ELP4: variants seen among roughly 807,000 people sequenced by gnomAD.
ELP4 encodes the protein elongator complex protein 4.
Under a neutral mutation model 48.9 loss-of-function variants are expected in ELP4, and 51 were observed. That is an observed-to-expected ratio of 1.04 (90% CI 0.83 to 1.32). ELP4 has a LOEUF of 1.32. ELP4 is among the 40% of genes most tolerant of loss of function. The probability of loss-of-function intolerance (pLI) is 0.00; values close to 1 mark genes in which losing one functional copy is unlikely to be tolerated. For synonymous variants in ELP4, 210 were observed against 189.2 expected (o/e 1.11, Z -0.90); for missense variants, 519 against 514.6 (o/e 1.01, Z -0.08).
chr11:31,560,349 T>C (rs1190297157), intron 3 of ELP4, among the ~76,000 whole-genome samples: 2 of 152,122 alleles, frequency 1.3e-5, no homozygotes, highest in Non-Finnish European at 2.9e-5. Flanking sequence ...GTACTTATAT[T>C]TAGTAACATT....
intron 4 of ELP4, among the ~76,000 whole-genome samples, chr11:31,597,994 C>T (rs546467337): frequency 4.5e-4 from 48 of 107,172 alleles, no homozygotes; most frequent in African/African-American, 1.4e-3. Flanking sequence ...CTTGCTCTGT[C>T]ACCCAGGCTG....
chr11:31,662,549 C>T (rs772705249), intron 9 of ELP4: 86 of 397,552 alleles, frequency 2.2e-4, no homozygotes, highest in Admixed American at 3.5e-4. Context: ...TGAGATCTTA[C>T]GACCTGCGAA....
chr11:31,761,399 ACTATACC>A (rs948268690), intron 9 of ELP4, among the ~76,000 whole-genome samples: 4 of 152,104 alleles, frequency 2.6e-5, no homozygotes, highest in African/African-American at 9.7e-5. Context: ...TCATTTTTTA[ACTATACC>A]CAAGATTGAA....
intron 2 of ELP4, among the ~76,000 whole-genome samples, chr11:31,534,417 C>T (rs1244563562): frequency 6.6e-6 from 1 of 151,944 alleles, no homozygotes; most frequent in Non-Finnish European, 1.5e-5. Context: ...CATGTTGGAC[C>T]TGAAGCATCC....
intron 3 of ELP4, among the ~76,000 whole-genome samples, chr11:31,543,584 G>T (rs560307772): frequency 6.6e-6 from 1 of 152,166 alleles, no homozygotes; most frequent in Non-Finnish European, 1.5e-5. Context: ...CTCCCAACGT[G>T]CTGGGCAAAC....
intron 9 of ELP4, among the ~76,000 whole-genome samples, chr11:31,665,206 C>G (rs946905795): frequency 6.6e-6 from 1 of 152,186 alleles, no homozygotes; most frequent in South Asian, 2.1e-4. Flanking sequence ...GACAGTTTAC[C>G]TCTTCTTGAT....
chr11:31,744,337 T>A (rs1449300878), intron 9 of ELP4, among the ~76,000 whole-genome samples: 2 of 152,194 alleles, frequency 1.3e-5, no homozygotes, highest in Admixed American at 6.5e-5. Flanking sequence ...GTACTATTCC[T>A]TCTGAAACTA....
intron 9 of ELP4, among the ~76,000 whole-genome samples, chr11:31,708,402 C>G (rs528087309): frequency 6.6e-6 from 1 of 152,256 alleles, no homozygotes; most frequent in East Asian, 1.9e-4. Flanking sequence ...AAAGCCAACT[C>G]TCAGTTATCT....
intron 9 of ELP4, among the ~76,000 whole-genome samples, chr11:31,771,162 T>C (rs1269780998): frequency 6.6e-6 from 1 of 152,102 alleles, no homozygotes; most frequent in Non-Finnish European, 1.5e-5. Context: ...GAATCTTCTA[T>C]TGGGCAGGCA....
intron 9 of ELP4, among the ~76,000 whole-genome samples, chr11:31,681,576 G>T (rs1171355747): frequency 6.6e-6 from 1 of 152,100 alleles, no homozygotes; most frequent in Non-Finnish European, 1.5e-5. Context: ...GGAGAGAGAT[G>T]TTACATCTGT....
At chr11:31,511,008 T>C (rs1181464070) in intron 1 of ELP4, 3 of 152,240 alleles carry the variant, frequency 2.0e-5, no homozygotes, top group South Asian at 4.1e-4. Flanking sequence ...TTGACATTTC[T>C]TTCGGTTATT....
chr11:31,614,904 T>C (rs1958047554), intron 5 of ELP4, among the ~76,000 whole-genome samples: 1 of 152,150 alleles, frequency 6.6e-6, no homozygotes, highest in Non-Finnish European at 1.5e-5. Flanking sequence ...AAATGACAAC[T>C]GAATACAACA....
rs935038978 is a variant in ELP4, at chr11:31,709,519, C to G, written c.1143+59298C>G. ...TCTCGTAAAATATGATCCCTCTCCC[C>G]AAGAAAGAGTTTATCGTGGTAATTA... On this transcript the variant is annotated intron_variant, in intron 9 of 9. Transcript: ENST00000640961. Among the ~76,000 whole-genome samples, 27 of 152,220 alleles carry G rather than the reference C, an allele frequency of 1.8e-4. 1 individual carries two copies. The East Asian group carries it at 5.0e-3, about 28-fold the overall frequency.
In ELP4 at chr11:31,788,683, G is replaced by A. The variant is rs933698313; in HGVS notation, c.*5159G>A. 9.4e-6 allele frequency: 2 copies of A among 213,856 alleles called. No individual in the cohort carries two copies. Among genetic ancestry groups the A allele is most frequent in the African/African-American group, 2.3e-5 (1 of 44,238 alleles). The allele number at this position is 213,856 out of a possible 1,614,324, so 13.2% of individuals were successfully genotyped here. ...TAGACTTTGAGCTTTAGAATTAAATGGCTAACTGGGAAATGTTACCATTTT... is the reference window on the plus strand; with the variant it reads ...TAGACTTTGAGCTTTAGAATTAAATAGCTAACTGGGAAATGTTACCATTTT... On this transcript the variant is annotated 3_prime_UTR_variant, in exon 10 of 10. Transcript: ENST00000640961.
chr11:31,761,344 A>C (rs1399748319), intron 9 of ELP4, among the ~76,000 whole-genome samples: 1 of 152,112 alleles, frequency 6.6e-6, no homozygotes, highest in African/African-American at 2.4e-5. Flanking sequence ...TCTCAAAAAA[A>C]AAAAAAAGCC....
At chr11:31,721,465 T>C (rs1469185709) in intron 9 of ELP4, among the ~76,000 whole-genome samples, 1 of 152,194 alleles carries the variant, frequency 6.6e-6, no homozygotes, top group Non-Finnish European at 1.5e-5. Context: ...TTTTGGTTTG[T>C]TAGAATTTTT....
chr11:31,643,117 C>G (rs1017087020), intron 7 of ELP4, among the ~76,000 whole-genome samples: 1 of 151,716 alleles, frequency 6.6e-6, no homozygotes, highest in Non-Finnish European at 1.5e-5. Context: ...GTACTCCCCT[C>G]CCCGCTCTCT....
At chr11:31,557,304 C>A (rs1194616115) in intron 3 of ELP4, among the ~76,000 whole-genome samples, 2 of 151,752 alleles carry the variant, frequency 1.3e-5, no homozygotes, top group African/African-American at 4.8e-5. Flanking sequence ...ATTCATTGTA[C>A]CTTATATATT....
At chr11:31,643,405 T>G (rs982421826) in intron 7 of ELP4, among the ~76,000 whole-genome samples, 1 of 151,894 alleles carries the variant, frequency 6.6e-6, no homozygotes, top group Non-Finnish European at 1.5e-5. Flanking sequence ...GATAATTAAG[T>G]TATTGGTTAA....
Sources: gnomAD v4.1 joint callset for allele counts (sites outside exome capture counted in the v4.1 genomes callset) on GRCh38, gnomAD v4.1.1 for gene constraint, MANE v1.5 for transcripts, NCBI Gene and HGNC (gene_info 2026-07-23, HGNC 2026-07-21) for gene names.